The following CDK14 variants were observed in gnomAD, a reference collection of about 807,000 sequenced individuals.
CDK14 encodes the protein cyclin dependent kinase 14.
In CDK14, 34 loss-of-function variants were observed where a neutral mutation model predicts 60.7. That is an observed-to-expected ratio of 0.56 (90% CI 0.43 to 0.75). CDK14 has a LOEUF of 0.75. Among genes scored for constraint, CDK14 ranks in the 30% least tolerant of loss-of-function variants. CDK14 has a pLI of 0.00. For missense variants in CDK14, 482 were observed against 564.1 expected (o/e 0.85, Z 1.47); for synonymous variants, 197 against 203.7 (o/e 0.97, Z 0.28).
chr7:90,750,035 G>A (rs1286895862), intron 4 of CDK14, among the ~76,000 whole-genome samples: 4 of 152,050 alleles, frequency 2.6e-5, no homozygotes, highest in Admixed American at 6.6e-5. Flanking sequence ...CCAAACAGCC[G>A]TATGTAAAAG....
intron 11 of CDK14, among the ~76,000 whole-genome samples, chr7:91,056,962 C>T (rs705359): frequency 0.79 from 120,108 of 151,680 alleles, 47,899 homozygotes; most frequent in East Asian, 0.93. Context: ...TTTCTAGTTC[C>T]AGATCCCTGA....
intron 2 of CDK14, among the ~76,000 whole-genome samples, chr7:90,694,149 C>T (rs2116594225): frequency 6.6e-6 from 1 of 152,138 alleles, no homozygotes; most frequent in South Asian, 2.1e-4. Context: ...TGGCACTGTG[C>T]CTGATGTGTA....
chr7:90,655,213 G>GT (rs1436474961), intron 2 of CDK14, among the ~76,000 whole-genome samples: 1 of 152,122 alleles, frequency 6.6e-6, no homozygotes, highest in African/African-American at 2.4e-5. Context: ...ATGTACCATA[G>GT]TTTGTTTCTC....
At chr7:91,194,066 A>G (rs907468221) in intron 14 of CDK14, among the ~76,000 whole-genome samples, 7 of 152,186 alleles carry the variant, frequency 4.6e-5, no homozygotes, top group African/African-American at 1.7e-4. Context: ...CCAGAGAGCT[A>G]AAGAAGGAGT....
At chr7:90,655,426 AAAAT>A in intron 2 of CDK14, among the ~76,000 whole-genome samples, 1 of 152,176 alleles carries the variant, frequency 6.6e-6, no homozygotes, top group South Asian at 2.1e-4. Context: ...ACAGCCTGGA[AAAAT>A]GTGATTTCTG....
intron 2 of CDK14, among the ~76,000 whole-genome samples, chr7:90,676,161 G>A (rs1005536522): frequency 2.6e-5 from 4 of 152,234 alleles, no homozygotes; most frequent in Non-Finnish European, 5.9e-5. Flanking sequence ...TTGCATTTTA[G>A]TGGAGACAGT....
chr7:91,014,851 T>C (rs769765908), intron 10 of CDK14, among the ~76,000 whole-genome samples: 3 of 152,230 alleles, frequency 2.0e-5, no homozygotes, highest in Non-Finnish European at 2.9e-5. Context: ...TTTCTAAAGA[T>C]GCCTGGTTGA....
At chr7:90,755,924 C>G (rs1226926881) in intron 4 of CDK14, among the ~76,000 whole-genome samples, 1 of 152,142 alleles carries the variant, frequency 6.6e-6, no homozygotes, top group African/African-American at 2.4e-5. Flanking sequence ...TAGTACATCC[C>G]TTTGTCTCAT....
At chr7:90,899,171 C>T (rs1293092033) in intron 6 of CDK14, 120 bp from the exon 7 acceptor site, 2 of 693,012 alleles carry the variant, frequency 2.9e-6, no homozygotes, top group African/African-American at 1.9e-5. Context: ...CTGAAAAATC[C>T]ACCCACTTGT....
At chr7:90,645,159 T>C (rs980844970) in intron 2 of CDK14, among the ~76,000 whole-genome samples, 2 of 152,200 alleles carry the variant, frequency 1.3e-5, no homozygotes, top group African/African-American at 4.8e-5. Context: ...CTCAACATGT[T>C]TATATATGTA....
intron 5 of CDK14, among the ~76,000 whole-genome samples, chr7:90,848,455 G>A (rs1790541933): frequency 6.6e-6 from 1 of 152,190 alleles, no homozygotes; most frequent in Non-Finnish European, 1.5e-5. Flanking sequence ...TGGCAGTATG[G>A]CCTGGGAACT....
At chr7:91,184,598 C>T (rs1054519370) in intron 14 of CDK14, among the ~76,000 whole-genome samples, 1 of 152,106 alleles carries the variant, frequency 6.6e-6, no homozygotes, top group African/African-American at 2.4e-5. Context: ...CATGTGAGGA[C>T]AAGAGGGAGC....
chr7:91,139,332 ATAAG>A, intron 14 of CDK14, among the ~76,000 whole-genome samples: 1 of 152,216 alleles, frequency 6.6e-6, no homozygotes, highest in East Asian at 1.9e-4. Flanking sequence ...AGTAAAAATA[ATAAG>A]TATCATTTCA....
At chr7:90,950,137 C>A (rs1378482064) in intron 8 of CDK14, among the ~76,000 whole-genome samples, 1 of 152,136 alleles carries the variant, frequency 6.6e-6, no homozygotes, top group African/African-American at 2.4e-5. Context: ...GTTGCCCAGG[C>A]GTGATCTCGG....
Position 90,695,997 on chromosome 7 carries a change from G to A in CDK14, c.124-30570G>A, listed in dbSNP as rs558462141. 4.6e-5 allele frequency among the ~76,000 whole-genome samples: 7 copies of A among 152,256 alleles called. No individual in the cohort carries two copies. In the South Asian group the frequency reaches 8.3e-4, roughly 18 times the overall value. On this transcript the variant is annotated intron_variant, in intron 2 of 14. Transcript: ENST00000380050. ...TGTTGTGTAGAATGTAGACTGCATC[G>A]GGAAGAAGAATGTGAGAATAGCTGC...
rs1287797710 is a variant in CDK14, at chr7:90,625,326, C to T, written c.123+21077C>T. Among the ~76,000 whole-genome samples the T allele has an allele frequency of 3.3e-5, 5 of 152,094 alleles. No individual in the cohort carries two copies. The East Asian group carries it at 5.8e-4, about 18-fold the overall frequency. On this transcript the variant is annotated intron_variant, in intron 2 of 14. Transcript: ENST00000380050. ...CTGCCCTCCAGCCTGGGCAACATAG[C>T]GAGACTCTGTCTTTAAAAAAGGTTA...
chr7:91,013,464 A>G (rs1168731515), intron 10 of CDK14, among the ~76,000 whole-genome samples: 1 of 152,198 alleles, frequency 6.6e-6, no homozygotes, highest in East Asian at 1.9e-4. Context: ...TTAAAGAAAG[A>G]CATTCTAGAA....
At chr7:90,620,995 A>G (rs1799754076) in intron 2 of CDK14, among the ~76,000 whole-genome samples, 1 of 152,190 alleles carries the variant, frequency 6.6e-6, no homozygotes. Flanking sequence ...TTTGTATGCC[A>G]GGTGGTTTTT....
chr7:91,098,915 T>A (rs1799084497), intron 12 of CDK14, among the ~76,000 whole-genome samples: 1 of 152,206 alleles, frequency 6.6e-6, no homozygotes, highest in South Asian at 2.1e-4. Flanking sequence ...GGGCATTTAT[T>A]GCATTACTAA....
Sources: gnomAD v4.1 joint callset for allele counts (sites outside exome capture counted in the v4.1 genomes callset) on GRCh38, gnomAD v4.1.1 for gene constraint, MANE v1.5 for transcripts, NCBI Gene and HGNC (gene_info 2026-07-23, HGNC 2026-07-21) for gene names.